Variants in ANAPC10 observed in about 807,000 individuals in gnomAD.
ANAPC10 encodes anaphase-promoting complex subunit 10.
A neutral mutation model predicts 22.0 loss-of-function variants in ANAPC10; 12 were observed. The ratio of observed to expected loss-of-function variants is 0.55; its 90% confidence interval spans 0.35 to 0.88. The LOEUF (loss-of-function observed/expected upper bound fraction) is 0.88. ANAPC10 is among the 40% of genes least tolerant of loss of function. The pLI is 0.01. For missense variants in ANAPC10, 188 were observed against 220.9 expected (o/e 0.85, Z 0.94); for synonymous variants, 65 against 69.5 (o/e 0.94, Z 0.32).
intron 4 of ANAPC10, among the ~76,000 whole-genome samples, chr4:144,996,600 G>A (rs996753689): frequency 6.6e-6 from 1 of 152,226 alleles, no homozygotes; most frequent in East Asian, 1.9e-4. Context: ...ATCAAAGACC[G>A]AAGGTAGATA....
chr4:145,030,692 C>T (rs924166985), intron 4 of ANAPC10, among the ~76,000 whole-genome samples: 7 of 152,236 alleles, frequency 4.6e-5, no homozygotes, highest in African/African-American at 1.7e-4. Flanking sequence ...AGAACCCCCA[C>T]ATTGGCTCCC....
intron 4 of ANAPC10, among the ~76,000 whole-genome samples, chr4:145,000,600 G>C (rs975658202): frequency 2.6e-5 from 4 of 152,188 alleles, no homozygotes; most frequent in Admixed American, 2.6e-4. Flanking sequence ...ACTGTTGGTG[G>C]GACTGTAAAC....
chr4:145,069,240 A>G (rs1046178757), intron 3 of ANAPC10, among the ~76,000 whole-genome samples: 3 of 152,160 alleles, frequency 2.0e-5, no homozygotes, highest in African/African-American at 7.2e-5. Flanking sequence ...GAGCCCTACA[A>G]ACAACTGAGT....
chr4:145,063,606 TGGGC>T (rs1743227365), intron 4 of ANAPC10, among the ~76,000 whole-genome samples: 1 of 152,152 alleles, frequency 6.6e-6, no homozygotes, highest in Non-Finnish European at 1.5e-5. Flanking sequence ...AATGATTATT[TGGGC>T]TTAATGATTT....
intron 4 of ANAPC10, among the ~76,000 whole-genome samples, chr4:145,017,505 C>T (rs562494957): frequency 2.0e-5 from 3 of 152,318 alleles, no homozygotes; most frequent in African/African-American, 7.2e-5. Flanking sequence ...AATAGGAACA[C>T]TTTTCCACTG....
At chr4:145,090,366 G>A (rs1026484620) in intron 2 of ANAPC10, among the ~76,000 whole-genome samples, 9 of 152,152 alleles carry the variant, frequency 5.9e-5, no homozygotes, top group African/African-American at 2.2e-4. Flanking sequence ...TTGAATCCAT[G>A]AAATTAGAAC....
intron 3 of ANAPC10, among the ~76,000 whole-genome samples, chr4:145,077,892 T>C (rs1745417174): frequency 1.3e-5 from 2 of 152,118 alleles, no homozygotes; most frequent in Admixed American, 1.3e-4. Flanking sequence ...AAGGGCCATC[T>C]ATGACAAACC....
intron 2 of ANAPC10, among the ~76,000 whole-genome samples, chr4:145,081,963 G>C (rs1746093343): frequency 6.6e-6 from 1 of 152,058 alleles, no homozygotes. Context: ...TCCTGCCTTG[G>C]CCTCCCAAAG....
intron 2 of ANAPC10, among the ~76,000 whole-genome samples, chr4:145,092,016 C>A (rs147911397): frequency 2.0e-5 from 3 of 152,220 alleles, no homozygotes; most frequent in Non-Finnish European, 1.5e-5. Context: ...TACCCTGCCT[C>A]TCCCTTTCAG....
chr4:145,038,300 G>A (rs904258668), intron 4 of ANAPC10, among the ~76,000 whole-genome samples: 2 of 152,076 alleles, frequency 1.3e-5, no homozygotes, highest in African/African-American at 4.8e-5. Flanking sequence ...ATTGCCTGAA[G>A]TCAGGAGTTC....
chr4:145,033,860 A>C (rs1233038368), intron 4 of ANAPC10, among the ~76,000 whole-genome samples: 1 of 152,204 alleles, frequency 6.6e-6, no homozygotes, highest in Non-Finnish European at 1.5e-5. Flanking sequence ...TTTGTTAAAA[A>C]CATGTTTATG....
At chr4:145,083,189 A>G (rs1746340681) in intron 2 of ANAPC10, among the ~76,000 whole-genome samples, 1 of 152,166 alleles carries the variant, frequency 6.6e-6, no homozygotes, top group African/African-American at 2.4e-5. Flanking sequence ...TATCACATTA[A>G]CTATGTGCCA....
chr4:145,043,296 G>A (rs914442364), intron 4 of ANAPC10, among the ~76,000 whole-genome samples: 1 of 152,016 alleles, frequency 6.6e-6, no homozygotes, highest in East Asian at 1.9e-4. Flanking sequence ...TCTAATTATA[G>A]ATAAAATACT....
At chr4:145,071,144 T>C (rs1300594162) in intron 3 of ANAPC10, among the ~76,000 whole-genome samples, 1 of 152,208 alleles carries the variant, frequency 6.6e-6, no homozygotes, top group African/African-American at 2.4e-5. Flanking sequence ...CAGTGGCTCA[T>C]GCCTGCAATC....
chr4:145,044,220 CATT>C (rs1401835627), intron 4 of ANAPC10, among the ~76,000 whole-genome samples: 1 of 152,048 alleles, frequency 6.6e-6, no homozygotes, highest in African/African-American at 2.4e-5. Flanking sequence ...ACATCATACT[CATT>C]ATAGCAATGT....
At chr4:145,091,550 ACAGTATTC>A (rs1443684318) in intron 2 of ANAPC10, among the ~76,000 whole-genome samples, 1 of 152,216 alleles carries the variant, frequency 6.6e-6, no homozygotes, top group African/African-American at 2.4e-5. Context: ...AATCACCGCT[ACAGTATTC>A]CATAGTGTAT....
intron 4 of ANAPC10, among the ~76,000 whole-genome samples, chr4:145,011,670 A>G (rs568954860): frequency 1.4e-4 from 21 of 152,292 alleles, no homozygotes; most frequent in African/African-American, 4.8e-4. Context: ...TCAGAGAAAC[A>G]TGCAGAGCTA....
At chr4:145,074,279 T>G (rs554751908) in intron 3 of ANAPC10, among the ~76,000 whole-genome samples, 129 of 152,034 alleles carry the variant, frequency 8.5e-4, no homozygotes, top group African/African-American at 2.8e-3. Flanking sequence ...AGGACTTATT[T>G]CTCCTAACTG....
chr4:145,007,174 C>T (rs1319525383), intron 4 of ANAPC10, among the ~76,000 whole-genome samples: 1 of 152,036 alleles, frequency 6.6e-6, no homozygotes, highest in Non-Finnish European at 1.5e-5. Context: ...GACTTAGACT[C>T]CCACACAATA....
Sources: allele counts gnomAD v4.1 joint callset (sites outside exome capture counted in the v4.1 genomes callset), GRCh38; gene constraint gnomAD v4.1.1; transcripts MANE v1.5; gene names NCBI Gene and HGNC (gene_info 2026-07-23, HGNC 2026-07-21).